The following NWD2 variants were observed in gnomAD, a reference collection of about 807,000 sequenced individuals.
NWD2 encodes the protein NACHT and WD repeat domain-containing protein 2.
A neutral mutation model predicts 132.7 loss-of-function variants in NWD2; 37 were observed. That is an observed-to-expected ratio of 0.28 (90% CI 0.21 to 0.37). The LOEUF is 0.37. NWD2 is among the 10% of genes least tolerant of loss of function. The pLI is 1.00. For missense variants in NWD2, 1,592 were observed against 2,122.4 expected, an observed-to-expected ratio of 0.75 and a Z score of 4.91; for synonymous variants, 705 against 803.0, an observed-to-expected ratio of 0.88 and a Z score of 2.06.
chr4:37,327,866 G>A (rs530601506), intron 2 of NWD2, among the ~76,000 whole-genome samples: 7 of 152,124 alleles, frequency 4.6e-5, no homozygotes, highest in Non-Finnish European at 1.0e-4. Context: ...TCCATCTTTG[G>A]TTGTGCACTG....
rs546787885 is a variant in NWD2, at chr4:37,370,922, T to C, written c.357+14440T>C. ...AGTCTGTCTTTAATGTGGGAGCTTATACAGTATAAGCACATCTAGGGACTT... is the reference window on the plus strand; with the variant it reads ...AGTCTGTCTTTAATGTGGGAGCTTACACAGTATAAGCACATCTAGGGACTT... On this transcript the variant is annotated intron_variant, in intron 3 of 6. Transcript: ENST00000309447. 9.0e-4 allele frequency among the ~76,000 whole-genome samples: 137 copies of C among 152,128 alleles called. 3 individuals carry two copies. In the South Asian group the frequency reaches 0.026, roughly 29 times the overall value.
intron 1 of NWD2, among the ~76,000 whole-genome samples, chr4:37,319,323 T>C (rs1427372708): frequency 1.3e-5 from 2 of 152,158 alleles, no homozygotes; most frequent in African/African-American, 2.4e-5. Context: ...CTAGGTTCAT[T>C]TGGTTTTTGC....
intron 1 of NWD2, among the ~76,000 whole-genome samples, chr4:37,249,880 T>C (rs1717317306): frequency 1.3e-5 from 2 of 152,122 alleles, no homozygotes; most frequent in African/African-American, 2.4e-5. Context: ...CATAGGAAGG[T>C]TTGTTCTCCG....
chr4:37,269,338 A>C (rs1717821864), intron 1 of NWD2, among the ~76,000 whole-genome samples: 1 of 151,916 alleles, frequency 6.6e-6, no homozygotes, highest in Non-Finnish European at 1.5e-5. Flanking sequence ...GATGTCTAAA[A>C]TATTAAAGTA....
At chr4:37,253,440 TGCTCCCCGGAACA>T (rs1413584690) in intron 1 of NWD2, among the ~76,000 whole-genome samples, 4 of 152,174 alleles carry the variant, frequency 2.6e-5, no homozygotes, top group Non-Finnish European at 4.4e-5. Context: ...AATGAAGCCA[TGCTCCCCGGAACA>T]GGTCATGTCC....
chr4:37,267,133 C>T (rs1032623049), intron 1 of NWD2, among the ~76,000 whole-genome samples: 1 of 151,932 alleles, frequency 6.6e-6, no homozygotes, highest in Non-Finnish European at 1.5e-5. Context: ...AGTCTAGGTA[C>T]AAATGGTCTT....
chr4:37,399,153 A>G (rs6816721), intron 3 of NWD2, among the ~76,000 whole-genome samples: 61,107 of 152,042 alleles, frequency 0.4, 12,578 homozygotes, highest in Non-Finnish European at 0.43. Context: ...AGGTCCACAT[A>G]TGAAGGTCAA....
At chr4:37,359,908 A>T (rs1365701263) in intron 3 of NWD2, among the ~76,000 whole-genome samples, 2 of 152,216 alleles carry the variant, frequency 1.3e-5, no homozygotes, top group African/African-American at 2.4e-5. Flanking sequence ...GAGCCTGGAC[A>T]TGTGTCTGGT....
intron 3 of NWD2, among the ~76,000 whole-genome samples, chr4:37,404,925 T>C (rs1022965307): frequency 1.3e-5 from 2 of 152,114 alleles, no homozygotes; most frequent in African/African-American, 4.8e-5. Context: ...TGTAAAACCA[T>C]TCATGAGAGA....
intron 3 of NWD2, among the ~76,000 whole-genome samples, chr4:37,370,535 G>A (rs772656058): frequency 1.9e-4 from 29 of 152,196 alleles, no homozygotes; most frequent in Non-Finnish European, 1.8e-4. Flanking sequence ...ATTTGGAAGA[G>A]GGTTTGAATG....
intron 2 of NWD2, among the ~76,000 whole-genome samples, chr4:37,338,420 A>T (rs978599978): frequency 1.3e-5 from 2 of 152,244 alleles, no homozygotes; most frequent in African/African-American, 4.8e-5. Flanking sequence ...GAGGCTCGGC[A>T]TCTTGATCCA....
At chr4:37,277,066 A>G (rs1560383164) in intron 1 of NWD2, among the ~76,000 whole-genome samples, 2 of 151,986 alleles carry the variant, frequency 1.3e-5, no homozygotes, top group Non-Finnish European at 2.9e-5. Flanking sequence ...GCACACCAAC[A>G]TGGCACATGT....
At chr4:37,314,962 T>C (rs1718929544) in intron 1 of NWD2, among the ~76,000 whole-genome samples, 1 of 152,198 alleles carries the variant, frequency 6.6e-6, no homozygotes, top group Admixed American at 6.5e-5. Flanking sequence ...GCTTTTATTT[T>C]ATCTATTTCA....
At chr4:37,386,852 C>G (rs1280035089) in intron 3 of NWD2, among the ~76,000 whole-genome samples, 1 of 151,962 alleles carries the variant, frequency 6.6e-6, no homozygotes, top group African/African-American at 2.4e-5. Flanking sequence ...ATTGGAACCT[C>G]CCTCCTCTCT....
At chr4:37,249,028 G>C (rs1717299410) in intron 1 of NWD2, among the ~76,000 whole-genome samples, 1 of 152,206 alleles carries the variant, frequency 6.6e-6, no homozygotes, top group African/African-American at 2.4e-5. Context: ...TGTGATGCTG[G>C]AAATGTCTAT....
chr4:37,343,833 T>C (rs1305246539), intron 2 of NWD2, among the ~76,000 whole-genome samples: 2 of 152,192 alleles, frequency 1.3e-5, no homozygotes, highest in Non-Finnish European at 2.9e-5. Context: ...ATTGCTTTAT[T>C]GTTAGGTAAT....
chr4:37,395,514 C>T (rs1035042824), intron 3 of NWD2, among the ~76,000 whole-genome samples: 11 of 133,818 alleles, frequency 8.2e-5, no homozygotes, highest in African/African-American at 2.8e-4. Flanking sequence ...TCTGCCTCTC[C>T]CAGAGGTCGC....
rs1402694158 is a variant in NWD2, at chr4:37,439,557, T to G, written c.1296+167T>G. Among the ~76,000 whole-genome samples the G allele has an allele frequency of 6.6e-6, 1 of 152,248 alleles. No individual in the cohort carries two copies. The highest frequency in any genetic ancestry group is 1.5e-5 in the Non-Finnish European group (1 of 68,046). ...TTTTTTGCTGGTATAACAGTTATAT[T>G]GAGAGAGCAAAACTCATGGGGTACA... On this transcript the variant is annotated intron_variant, in intron 6 of 6. Transcript: ENST00000309447. This position sits in a 1 kb window ranked among gnomAD's most constrained non-coding sequence, Gnocchi z 4.5.
chr4:37,321,083 G>C (rs1719058531), intron 1 of NWD2, among the ~76,000 whole-genome samples: 1 of 152,046 alleles, frequency 6.6e-6, no homozygotes, highest in South Asian at 2.1e-4. Flanking sequence ...CTTGAACCTG[G>C]GAGGTAGAGG....
Sources: gnomAD v4.1 joint callset for allele counts (sites outside exome capture counted in the v4.1 genomes callset) on GRCh38, gnomAD v4.1.1 for gene constraint, Gnocchi (gnomAD v3.1) non-coding constraint, MANE v1.5 for transcripts, NCBI Gene and HGNC (gene_info 2026-07-23, HGNC 2026-07-21) for gene names.